SLC6A18: variants seen among roughly 807,000 people sequenced by gnomAD.
SLC6A18 encodes the protein solute carrier family 6 member 18, also known as inactive sodium-dependent neutral amino acid transporter B(0)AT3.
A neutral mutation model predicts 62.9 loss-of-function variants in SLC6A18; 58 were observed. The observed-to-expected ratio is 0.92, with a 90% CI of 0.75 to 1.15. The LOEUF is 1.15. SLC6A18 is among the 50% of genes most tolerant of loss of function. The pLI is 0.00. For missense variants in SLC6A18, 793 were observed against 836.6 expected, an observed-to-expected ratio of 0.95 and a Z score of 0.64; for synonymous variants, 382 against 365.8, an observed-to-expected ratio of 1.04 and a Z score of -0.51.
chr5:1,243,263 G>C lies in SLC6A18; in HGVS notation c.1132-292G>C, dbSNP rs1361445449. Among the ~76,000 whole-genome samples, 1 of 152,202 alleles carries C rather than the reference G, an allele frequency of 6.6e-6. No homozygotes were observed. Among genetic ancestry groups the C allele is most frequent in the African/African-American group, 2.4e-5 (1 of 41,444 alleles). ...GCAGGGGGGCACAGCCAGGAGGCAG[G>C]TGTGGGATGCATCTCAGGGTGCCTG... On this transcript the variant is annotated intron_variant, in intron 8 of 11. Transcript: ENST00000324642. This position sits in a 1 kb window ranked among gnomAD's most constrained non-coding sequence, Gnocchi z 6.5.
At chr5:1,236,683 C>G (rs1361237664) in intron 4 of SLC6A18, among the ~76,000 whole-genome samples, 1 of 152,168 alleles carries the variant, frequency 6.6e-6, no homozygotes, top group Non-Finnish European at 1.5e-5. Flanking sequence ...GACCGTGCCT[C>G]CTGACCCATG....
At chr5:1,237,869 C>G in intron 4 of SLC6A18, 81 bp from the exon 5 acceptor site, 1 of 1,124,982 alleles carries the variant, frequency 8.9e-7, no homozygotes, top group Non-Finnish European at 1.3e-6. Context: ...AGGGCGGTGT[C>G]TGGAGCCTGC....
At chr5:1,245,414 A>G (rs960419627) in intron 11 of SLC6A18, among the ~76,000 whole-genome samples, 1 of 152,188 alleles carries the variant, frequency 6.6e-6, no homozygotes, top group African/African-American at 2.4e-5. Flanking sequence ...TGTGTCTTGG[A>G]AAGTCCCTCC....
Position 1,246,158 on chromosome 5 carries a change from C to T in SLC6A18, c.*80C>T. 8.9e-7 allele frequency: 1 copy of T among 1,129,830 alleles called. No homozygotes were observed. Among genetic ancestry groups the T allele is most frequent in the Non-Finnish European group, 1.2e-6 (1 of 813,164 alleles). 70.0% of individuals were successfully genotyped at this position (1,129,830 alleles called of 1,614,324 possible). A position where few individuals can be genotyped will look rare whatever the true frequency, so the allele number is the denominator to read the frequency against. On this transcript the variant is annotated 3_prime_UTR_variant, in exon 12 of 12. Transcript: ENST00000324642. ...GGTGGGCGGGGCCCCGCCCACAGGGCCGACCCCAATACACCAGCGACTCAA... is the reference window on the plus strand; with the variant it reads ...GGTGGGCGGGGCCCCGCCCACAGGGTCGACCCCAATACACCAGCGACTCAA...
intron 7 of SLC6A18, among the ~76,000 whole-genome samples, 167 bp from the exon 8 acceptor site, chr5:1,242,540 C>T (rs6860514): frequency 2.6e-5 from 4 of 151,202 alleles, no homozygotes; most frequent in South Asian, 2.1e-4. Context: ...GGGCAGGAGG[C>T]GTCCACACGA....
chr5:1,231,760 C>A (rs1397267323), intron 1 of SLC6A18, among the ~76,000 whole-genome samples: 1 of 152,206 alleles, frequency 6.6e-6, no homozygotes, highest in Non-Finnish European at 1.5e-5. Flanking sequence ...ATGAAAGGAG[C>A]TGTTTTCCCA....
At chr5:1,244,177 T>G in intron 9 of SLC6A18, 37 bp from the exon 10 acceptor site, 15 of 387,094 alleles carry the variant, frequency 3.9e-5, no homozygotes, top group Non-Finnish European at 5.6e-5. Flanking sequence ...CCACTCCCCA[T>G]CCCCTTACCC....
At chr5:1,233,802 T>C (rs13158399) in intron 3 of SLC6A18, among the ~76,000 whole-genome samples, 19,290 of 150,572 alleles carry the variant, frequency 0.13, 1,514 homozygotes, top group Middle Eastern at 0.23. Flanking sequence ...AGTGCAGTGG[T>C]GCTATCTTGG....
chr5:1,238,128 C>T (rs1746933035), intron 5 of SLC6A18, 68 bp downstream of exon 5: 2 of 1,240,380 alleles, frequency 1.6e-6, no homozygotes, highest in East Asian at 2.3e-5. Context: ...GCCAGCAGCT[C>T]CCTCCCTCAC....
intron 11 of SLC6A18, among the ~76,000 whole-genome samples, chr5:1,245,563 A>G (rs1208080316): frequency 1.3e-5 from 2 of 152,176 alleles, no homozygotes; most frequent in African/African-American, 4.8e-5. Context: ...ACGACGCCCA[A>G]TGGGTTGAGG....
Position 1,244,767 on chromosome 5 carries a change from C to A in SLC6A18, c.1656C>A (p.Tyr552Ter). 1 of 1,599,452 alleles carries A rather than the reference C, an allele frequency of 6.3e-7. No individual in the cohort carries two copies. The highest frequency in any genetic ancestry group is 8.6e-7 in the Non-Finnish European group (1 of 1,169,110). ...PLRYKAWNPK[Y>*]ELFPSRQEKL... ...GATACAAGGCCTGGAACCCCAAATA[C>A]GTAGGTCCTTCCGGTGGGAACCTGG... Residue 552 changes from tyrosine to a stop codon, truncating the protein, a stop_gained and splice_region_variant, in exon 11 of 12, where the codon TAC becomes TAA. Coordinates refer to ENST00000324642, the MANE Select transcript of SLC6A18 (RefSeq NM_182632.3). LOFTEE classifies it low-confidence loss of function (END_TRUNC).
chr5:1,233,131 C>T (rs1746779684), intron 3 of SLC6A18, among the ~76,000 whole-genome samples: 1 of 152,240 alleles, frequency 6.6e-6, no homozygotes, highest in Non-Finnish European at 1.5e-5. Context: ...CACCGAGGTC[C>T]CCTTGCAGCC....
chr5:1,237,166 C>T (rs560897108), intron 4 of SLC6A18, among the ~76,000 whole-genome samples: 19 of 148,126 alleles, frequency 1.3e-4, no homozygotes, highest in East Asian at 8.0e-4. Context: ...TGCTTGAACC[C>T]GGAAGCAGAG....
Position 1,240,570 on chromosome 5 carries a change from C to A in SLC6A18, c.885C>A (p.Val295=). ...CQKDAVVIAL[V]NRMTSLYASI... is the part of the protein sequence containing the mutation. ...AGGATGCGGTGGTCATCGCCCTGGT[C>A]AACAGGATGACCTCCCTGTACGCGT... Residue 295 remains valine, a synonymous_variant, in exon 7 of 12, where the codon GTC becomes GTA. Coordinates refer to ENST00000324642, the MANE Select transcript of SLC6A18 (RefSeq NM_182632.3). The A allele has an allele frequency of 6.2e-7, 1 of 1,614,098 alleles. No homozygotes were observed. Among genetic ancestry groups the A allele is most frequent in the East Asian group, 2.2e-5 (1 of 44,866 alleles).
intron 1 of SLC6A18, among the ~76,000 whole-genome samples, chr5:1,228,784 A>T (rs1263582914): frequency 6.6e-6 from 1 of 152,234 alleles, no homozygotes; most frequent in Non-Finnish European, 1.5e-5. Flanking sequence ...AGGTGGAAGG[A>T]TGGCGTGAGC....
At chr5:1,232,387 C>T in intron 2 of SLC6A18, 28 bp downstream of exon 2, 1 of 1,594,102 alleles carries the variant, frequency 6.3e-7, no homozygotes, top group South Asian at 1.1e-5. Context: ...CTTGCCCTGA[C>T]TGAGGCTGCC....
rs1292832863 is a variant in SLC6A18 at position 1,232,817 on chromosome 5, T to C, written c.368T>C (p.Leu123Pro). The change falls in exon 3 of 12, where the codon CTG becomes CCG. Residue 123 changes from leucine (L) to proline (P), a missense_variant. Transcript: ENST00000324642. Reference protein sequence around the residue: ...LYYNTIVAWVLWYLLNSFQHP... With the variant: ...LYYNTIVAWVPWYLLNSFQHP... ...TACAACACCATCGTGGCGTGGGTGC[T>C]GTGGTACCTCCTCAACTCCTTCCAG... 1 of 1,613,468 alleles carries C rather than the reference T, an allele frequency of 6.2e-7. No homozygotes were observed. The highest frequency in any genetic ancestry group is 1.7e-5 in the Admixed American group (1 of 60,030).
chr5:1,226,620 A>G (rs1561173051), intron 1 of SLC6A18, among the ~76,000 whole-genome samples: 1 of 152,214 alleles, frequency 6.6e-6, no homozygotes, highest in Non-Finnish European at 1.5e-5. Context: ...GGAAAAAACA[A>G]AAAGAAACAC....
chr5:1,235,204 T>C (rs1414568140), intron 3 of SLC6A18, among the ~76,000 whole-genome samples: 1 of 152,194 alleles, frequency 6.6e-6, no homozygotes. Flanking sequence ...CAGCTTTACA[T>C]GGTGACAGTG....
Sources: gnomAD v4.1 joint callset for allele counts (sites outside exome capture counted in the v4.1 genomes callset) on GRCh38, gnomAD v4.1.1 for gene constraint, Gnocchi (gnomAD v3.1) non-coding constraint, MANE v1.5 for transcripts, NCBI Gene and HGNC (gene_info 2026-07-23, HGNC 2026-07-21) for gene names.